The following MSANTD1 variants were observed in gnomAD, a reference collection of about 807,000 sequenced individuals.
MSANTD1 encodes the protein Myb/SANT DNA binding domain containing 1, also known as myb/SANT-like DNA-binding domain-containing protein 1.
In MSANTD1, 7 loss-of-function variants were observed where a neutral mutation model predicts 24.2. The observed-to-expected ratio is 0.29, with a 90% CI of 0.16 to 0.54. The LOEUF is 0.54. Among genes scored for constraint, MSANTD1 ranks in the 20% least tolerant of loss-of-function variants. The pLI is 0.94. For synonymous variants in MSANTD1, 177 were observed against 181.1 expected, an observed-to-expected ratio of 0.98 and a Z score of 0.18; for missense variants, 384 against 408.2, an observed-to-expected ratio of 0.94 and a Z score of 0.51.
In MSANTD1 at chr4:3,253,466, C is replaced by T; in HGVS notation, c.580C>T (p.Leu194=). ...DDRSDSSSSL[L]SLKFRSEERP... Reference sequence around the variant, plus strand: ...TCGCTCCGACAGCTCCTCCAGCTTACTGTCCCTTAAGTTCAGGTAGTGTGT... The same window carrying T: ...TCGCTCCGACAGCTCCTCCAGCTTATTGTCCCTTAAGTTCAGGTAGTGTGT... Residue 194 remains leucine (L), a synonymous_variant, in exon 2 of 3, where the codon CTG becomes TTG. Transcript: ENST00000438480. 6.4e-7 allele frequency: 1 copy of T among 1,567,276 alleles called. No homozygotes were observed. The highest frequency in any genetic ancestry group is 8.7e-7 in the Non-Finnish European group (1 of 1,151,582).
chr4:3,252,072 G>A (rs1722246797), intron 1 of MSANTD1, among the ~76,000 whole-genome samples: 1 of 152,386 alleles, frequency 6.6e-6, no homozygotes, highest in African/African-American at 2.4e-5. Context: ...CAGGTAGCAA[G>A]AGTAGGAGAG....
At chr4:3,253,066 C>T (rs572616997) in intron 1 of MSANTD1, 141 bp from the exon 2 acceptor site, 40 of 783,238 alleles carry the variant, frequency 5.1e-5, no homozygotes, top group Admixed American at 1.8e-4. Context: ...GGAGCCTGGC[C>T]GATTTTGCTG....
chr4:3,249,657 G>A, intron 1 of MSANTD1, 115 bp downstream of exon 1: 2 of 1,072,022 alleles, frequency 1.9e-6, no homozygotes, highest in South Asian at 1.6e-5. Flanking sequence ...TGGCCTGCCT[G>A]TCGGTCTCCT....
At chr4:3,248,928 G>T (rs1722120848), upstream of MSANTD1, 2 of 326,238 alleles carry the variant, frequency 6.1e-6, no homozygotes, top group South Asian at 2.9e-4. Context: ...CTGAACTGGG[G>T]GCCGATCCGC....
chr4:3,248,199 C>T (rs1007920797), upstream of MSANTD1: 5 of 54,204 alleles, frequency 9.2e-5, no homozygotes, highest in African/African-American at 3.2e-4. Context: ...GGCCACCGCT[C>T]CGGTTCCGGT....
upstream of MSANTD1, chr4:3,249,022 A>G (rs866331924): frequency 4.6e-6 from 2 of 438,552 alleles, no homozygotes; most frequent in Non-Finnish European, 7.6e-6. Flanking sequence ...ATGGCCCGTC[A>G]GTGCAGCCCT....
chr4:3,251,247 G>T (rs1035894788), intron 1 of MSANTD1, among the ~76,000 whole-genome samples: 2 of 152,244 alleles, frequency 1.3e-5, no homozygotes, highest in Non-Finnish European at 2.9e-5. Flanking sequence ...GTTCCAGCAG[G>T]CTCCCCTCTG....
chr4:3,251,645 T>C (rs987934802), intron 1 of MSANTD1, among the ~76,000 whole-genome samples: 2 of 151,858 alleles, frequency 1.3e-5, no homozygotes, highest in Admixed American at 6.6e-5. Context: ...TTTTTCTTTA[T>C]ACCCGCAGTC....
At chr4:3,250,332 A>C (rs139478074) in intron 1 of MSANTD1, among the ~76,000 whole-genome samples, 1 of 152,108 alleles carries the variant, frequency 6.6e-6, no homozygotes, top group Non-Finnish European at 1.5e-5. Context: ...GGAGGGGACC[A>C]CCCAGCCAGG....
At chr4:3,245,222 C>T (rs537004256), upstream of MSANTD1, 11 of 152,472 alleles carry the variant, frequency 7.2e-5, no homozygotes, top group African/African-American at 2.6e-4. Context: ...CAGTCCCTCC[C>T]CATGCCACGG....
At chr4:3,253,605 G>T in intron 2 of MSANTD1, 123 bp downstream of exon 2, 1 of 1,053,386 alleles carries the variant, frequency 9.5e-7, no homozygotes, top group Non-Finnish European at 1.3e-6. Context: ...CCGTGGCTGC[G>T]GGCAGCGCCT....
Position 3,253,091 on chromosome 4 carries a change from A to T in MSANTD1, c.321-116A>T, listed in dbSNP as rs1560617638. 9.7e-6 allele frequency: 11 copies of T among 1,129,018 alleles called. No homozygotes were observed. The South Asian group carries it at 1.8e-4, about 18-fold the overall frequency. 69.9% of individuals were successfully genotyped at this position (1,129,018 alleles called of 1,614,324 possible). The stretch of plus-strand genomic sequence containing the variant: ...CGATTTTGCTGGGGAGGCCCTTGCC[A>T]GCCGAGAGCGGCTCCTGCCTGTGCC... On this transcript the variant is annotated intron_variant, in intron 1 of 2. Coordinates refer to ENST00000438480, the MANE Select transcript of MSANTD1 (RefSeq NM_001042690.2).
intron 2 of MSANTD1, among the ~76,000 whole-genome samples, chr4:3,254,009 C>T (rs34030762): frequency 6.6e-6 from 1 of 151,734 alleles, no homozygotes; most frequent in African/African-American, 2.4e-5. Flanking sequence ...ACCTCAGACC[C>T]GTCCCGTGCT....
chr4:3,253,067 G>T, intron 1 of MSANTD1, 140 bp from the exon 2 acceptor site: 1 of 795,480 alleles, frequency 1.3e-6, no homozygotes, highest in Middle Eastern at 3.7e-4. Context: ...GAGCCTGGCC[G>T]ATTTTGCTGG....
rs1258711794 is a variant in MSANTD1, at chr4:3,253,358, G to A, written c.472G>A (p.Ala158Thr). 6.2e-7 allele frequency: 1 copy of A among 1,611,068 alleles called. No homozygotes were observed. The highest frequency in any genetic ancestry group is 8.5e-7 in the Non-Finnish European group (1 of 1,178,836). The change falls in exon 2 of 3, where the codon GCG (alanine) becomes ACG (threonine). Residue 158 changes from alanine to threonine, a missense_variant. Coordinates refer to ENST00000438480, the MANE Select transcript of MSANTD1 (RefSeq NM_001042690.2). The part of the protein sequence containing the change: ...PPGPSTSQTE[A>T]SLSPPAKSTP... ...GGGGCCCTCCACGTCCCAGACCGAG[G>A]CGTCCCTGTCGCCGCCCGCTAAGTC...
Position 3,249,426 on chromosome 4 carries a change from C to G in MSANTD1, c.204C>G (p.Thr68=). 1.9e-6 allele frequency: 3 copies of G among 1,608,458 alleles called. No individual in the cohort carries two copies. The South Asian group carries it at 3.3e-5, about 18-fold the overall frequency. The stretch of plus-strand genomic sequence containing the variant: ...AGTTCTTCGACGAGCTCAAGCAGAC[C>G]AAGCGCAACGCCAAGGTGTACGAGA... ...WEEFFDELKQ[T]KRNAKVYEKM... Residue 68 remains threonine, a synonymous_variant, in exon 1 of 3, where the codon ACC becomes ACG. Coordinates refer to ENST00000438480, the MANE Select transcript of MSANTD1 (RefSeq NM_001042690.2).
chr4:3,253,095 G>A (rs1722277372), intron 1 of MSANTD1, 112 bp from the exon 2 acceptor site: 3 of 1,167,772 alleles, frequency 2.6e-6, no homozygotes, highest in Admixed American at 5.8e-5. Flanking sequence ...CTTGCCAGCC[G>A]AGAGCGGCTC....
rs1196472909 is a variant in MSANTD1, at chr4:3,255,686, CTG to C, written c.597-36_597-35del. 7 of 1,492,426 alleles carry C rather than the reference CTG, an allele frequency of 4.7e-6. No homozygotes were observed. The African/African-American group carries it at 8.4e-5, about 18-fold the overall frequency. 92.4% of individuals were successfully genotyped at this position (1,492,426 alleles called of 1,614,324 possible). A position where few individuals can be genotyped will look rare whatever the true frequency, so the allele number is the denominator to read the frequency against. On this transcript the variant is annotated intron_variant, in intron 2 of 2. Coordinates refer to ENST00000438480, the MANE Select transcript of MSANTD1 (RefSeq NM_001042690.2). Reference sequence around the variant, plus strand: ...GTGAGGCCCCTGGTGTGCCCAGGCTCTGTGGCCAGCACGTCCACAGCCGGCAC... The same window carrying C: ...GTGAGGCCCCTGGTGTGCCCAGGCTCTGGCCAGCACGTCCACAGCCGGCAC...
In MSANTD1 at chr4:3,249,551, G is replaced by A; in HGVS notation, c.320+9G>A. On this transcript the variant is annotated intron_variant, in intron 1 of 2. Coordinates refer to ENST00000438480, the MANE Select transcript of MSANTD1 (RefSeq NM_001042690.2). Reference sequence around the variant, plus strand: ...ATGACCTTCCAGTACAGGTGGGCGAGCGGGCAGTGTGGGCCCCACCAGGAC... The same window carrying A: ...ATGACCTTCCAGTACAGGTGGGCGAACGGGCAGTGTGGGCCCCACCAGGAC... The A allele has an allele frequency of 6.2e-7, 1 of 1,603,496 alleles. No individual in the cohort carries two copies. The highest frequency in any genetic ancestry group is 2.2e-5 in the East Asian group (1 of 44,600).
Sources: gnomAD v4.1 joint callset for allele counts (sites outside exome capture counted in the v4.1 genomes callset) on GRCh38, gnomAD v4.1.1 for gene constraint, MANE v1.5 for transcripts, NCBI Gene and HGNC (gene_info 2026-07-23, HGNC 2026-07-21) for gene names.